ELP5: variants seen among roughly 807,000 people sequenced by gnomAD.
The protein encoded by ELP5 is elongator acetyltransferase complex subunit 5, also known as elongator complex protein 5.
A neutral mutation model predicts 33.4 loss-of-function variants in ELP5; 34 were observed. That is an observed-to-expected ratio of 1.02 (90% CI 0.78 to 1.36). ELP5 has a LOEUF of 1.36. Among genes scored for constraint, ELP5 ranks in the 40% most tolerant of loss-of-function variants. The pLI is 0.00. For synonymous variants in ELP5, 161 were observed against 146.4 expected, an observed-to-expected ratio of 1.10 and a Z score of -0.72; for missense variants, 373 against 371.7, an observed-to-expected ratio of 1.00 and a Z score of -0.03.
intron 7 of ELP5, 129 bp downstream of exon 7, chr17:7,259,055 C>A: frequency 6.7e-7 from 1 of 1,490,130 alleles, no homozygotes. Flanking sequence ...AGAGACAAGT[C>A]CAAGTTCTTG....
chr17:7,254,517 G>A (rs1175668986), intron 3 of ELP5, 66 bp from the exon 4 acceptor site: 4 of 1,178,052 alleles, frequency 3.4e-6, no homozygotes, highest in Admixed American at 4.5e-5. Context: ...AAGATCAGAG[G>A]ATGAACTTTG....
intron 7 of ELP5, chr17:7,259,133 T>G (rs1278808824): frequency 7.0e-7 from 1 of 1,422,810 alleles, no homozygotes; most frequent in African/African-American, 1.4e-5. Flanking sequence ...TACCCTTGGG[T>G]CACAGCTCCA....
At chr17:7,254,408 GA>G (rs1353110094) in intron 3 of ELP5, among the ~76,000 whole-genome samples, 174 bp from the exon 4 acceptor site, 5 of 152,142 alleles carry the variant, frequency 3.3e-5, no homozygotes, top group Non-Finnish European at 7.4e-5. Context: ...CAGGCTGTCA[GA>G]CACCAAAGTC....
At position 7,252,369 on chromosome 17, in the gene ELP5, C is replaced by T. The variant is rs190334504; in HGVS notation, c.-182C>T. 245 of 879,564 alleles carry T rather than the reference C, an allele frequency of 2.8e-4. No individual in the cohort carries two copies. The East Asian group carries it at 5.6e-3, about 20-fold the overall frequency. The allele number at this position is 879,564 out of a possible 1,614,324, so 54.5% of individuals were successfully genotyped here. On this transcript the variant is annotated 5_prime_UTR_variant, in exon 1 of 8. Coordinates refer to ENST00000396628, the MANE Select transcript of ELP5 (RefSeq NM_203414.3). ...CTGTGCGCCAGGGCTCGGGGAGGGGCGCCCTCCGCGTGAGCGCCCCCCTGG... is the reference window on the plus strand; with the variant it reads ...CTGTGCGCCAGGGCTCGGGGAGGGGTGCCCTCCGCGTGAGCGCCCCCCTGG...
chr17:7,253,085 G>A (rs918896392), intron 3 of ELP5, 87 bp downstream of exon 3: 5 of 1,248,806 alleles, frequency 4.0e-6, no homozygotes, highest in Middle Eastern at 1.9e-4. Flanking sequence ...AACCTGGTAT[G>A]TAGTAGCAGT....
At position 7,254,582 on chromosome 17, in the gene ELP5, G is replaced by C; in HGVS notation, c.189-1G>C. 6.2e-7 allele frequency: 1 copy of C among 1,605,682 alleles called. No individual in the cohort carries two copies. The highest frequency in any genetic ancestry group is 8.5e-7 in the Non-Finnish European group (1 of 1,173,566). On this transcript the variant is annotated splice_acceptor_variant, in intron 3 of 7. Coordinates refer to ENST00000396628, the MANE Select transcript of ELP5 (RefSeq NM_203414.3). LOFTEE classifies it high-confidence loss of function. ...TATTGTGTCTTATTTTCCCTTTGCA[G>C]GCTGGTTTACCATGACTTCTTCAGA...
Position 7,252,807 on chromosome 17 carries a change from G to T in ELP5, c.84G>T (p.Ala28=), listed in dbSNP as rs750679920. ...VEWEGRSLLK[A]LVKKSALCGE... is the part of the protein sequence containing the mutation. ...GGGAGGGGCGCAGTCTCTTGAAGGC[G>T]CTTGTCAAGAAATCTGCACTGTGGT... The change falls in exon 2 of 8, where the codon GCG becomes GCT. Residue 28 remains alanine, a synonymous_variant. Coordinates refer to ENST00000396628, the MANE Select transcript of ELP5 (RefSeq NM_203414.3). The T allele has an allele frequency of 1.2e-6, 2 of 1,614,114 alleles. No individual in the cohort carries two copies. Among genetic ancestry groups the T allele is most frequent in the Non-Finnish European group, 1.7e-6 (2 of 1,180,042 alleles).
intron 4 of ELP5, among the ~76,000 whole-genome samples, chr17:7,256,130 A>G (rs1409030853): frequency 6.6e-6 from 1 of 152,084 alleles, no homozygotes; most frequent in Non-Finnish European, 1.5e-5. Flanking sequence ...AGACAGGTAG[A>G]TCACGAGGTC....
At chr17:7,259,476 C>T in intron 7 of ELP5, 95 bp from the exon 8 acceptor site, 1 of 1,572,960 alleles carries the variant, frequency 6.4e-7, no homozygotes, top group Non-Finnish European at 8.6e-7. Flanking sequence ...GGAGGCCTAA[C>T]AGGTTGCCTG....
intron 1 of ELP5, 44 bp downstream of exon 1, chr17:7,252,640 G>A: frequency 6.2e-7 from 1 of 1,604,680 alleles, no homozygotes; most frequent in Non-Finnish European, 8.5e-7. Flanking sequence ...GTGCGGTTCG[G>A]GCCTGGCTGA....
In ELP5 at chr17:7,252,344, C is replaced by A. The variant is rs988202891; in HGVS notation, c.-207C>A. 55 of 710,672 alleles carry A rather than the reference C, an allele frequency of 7.7e-5. No individual in the cohort carries two copies. The South Asian group carries it at 8.6e-4, about 11-fold the overall frequency. 44.0% of individuals were successfully genotyped at this position (710,672 alleles called of 1,614,324 possible). On this transcript the variant is annotated 5_prime_UTR_variant, in exon 1 of 8. In the 5' UTR this introduces an upstream ATG that the reference lacks. Transcript: ENST00000396628. Reference sequence around the variant, plus strand: ...GTAGACGGGGTCGTTGTCCGTACGACTGTGCGCCAGGGCTCGGGGAGGGGC... The same window carrying A: ...GTAGACGGGGTCGTTGTCCGTACGAATGTGCGCCAGGGCTCGGGGAGGGGC...
chr17:7,251,820 A>AGGAGG (rs1243850303), upstream of ELP5: 1 of 32,320 alleles, frequency 3.1e-5, no homozygotes, highest in Non-Finnish European at 1.0e-4. Context: ...AGGAGCAGGG[A>AGGAGG]AGGAGGGGGA....
rs780307888 is a variant in ELP5, at chr17:7,254,811, C to G, written c.409+8C>G. 33 of 1,609,608 alleles carry G rather than the reference C, an allele frequency of 2.1e-5. 2 individuals are homozygous for G. In the South Asian group the frequency reaches 3.5e-4, roughly 17 times the overall value. On this transcript the variant is annotated splice_region_variant and intron_variant, in intron 4 of 7. Transcript: ENST00000396628. ...ATCAGGACTCTTGTCCTGGTGAGAC[C>G]CCTCCTTCATTGTTTCCCCTCATAC...
rs1310581589 is a variant in ELP5 at position 7,252,973 on chromosome 17, G to A, written c.163G>A (p.Gly55Ser). The change falls in exon 3 of 8, where the codon GGT becomes AGT. Residue 55 changes from glycine to serine, a missense_variant. Coordinates refer to ENST00000396628, the MANE Select transcript of ELP5 (RefSeq NM_203414.3). Reference sequence around the variant, plus strand: ...AGTGAGCGAGGAAGAGTTTCGTGAAGGTTTTGACTCTGATATCAACAATCG... The same window carrying A: ...AGTGAGCGAGGAAGAGTTTCGTGAAAGTTTTGACTCTGATATCAACAATCG... ...CEVSEEEFREGFDSDINNRLV... is the reference protein window; with the variant it reads ...CEVSEEEFRESFDSDINNRLV... 6.2e-6 allele frequency: 10 copies of A among 1,614,056 alleles called. No homozygotes were observed. The South Asian group carries it at 8.8e-5, about 14-fold the overall frequency.
At position 7,253,137 on chromosome 17, in the gene ELP5, G is replaced by C. The variant is rs915097905; in HGVS notation, c.188+139G>C. The C allele has an allele frequency of 1.1e-5, 9 of 795,212 alleles. No homozygotes were observed. In the Admixed American group the frequency reaches 2.0e-4, roughly 18 times the overall value. The allele number at this position is 795,212 out of a possible 1,614,324, so 49.3% of individuals were successfully genotyped here. ...GAAGAATTGGATATGGATCTTTCAGGAGGCAAGAATTAATAAGAGGAGTGA... is the reference window on the plus strand; with the variant it reads ...GAAGAATTGGATATGGATCTTTCAGCAGGCAAGAATTAATAAGAGGAGTGA... On this transcript the variant is annotated intron_variant, in intron 3 of 7. Coordinates refer to ENST00000396628, the MANE Select transcript of ELP5 (RefSeq NM_203414.3).
chr17:7,252,627 G>A, intron 1 of ELP5, 31 bp downstream of exon 1: 1 of 1,607,074 alleles, frequency 6.2e-7, no homozygotes, highest in Non-Finnish European at 8.5e-7. Flanking sequence ...GGCGGGGCGG[G>A]GGGTGCGGTT....
At position 7,254,680 on chromosome 17, in the gene ELP5, A is replaced by G. The variant is rs751263101; in HGVS notation, c.286A>G (p.Lys96Glu). The change falls in exon 4 of 8, where the codon AAG (lysine) becomes GAG (glutamate). Residue 96 changes from lysine to glutamate, a missense_variant. Physicochemically the swap from Lys to Glu is moderately conservative, Grantham distance 56. Coordinates refer to ENST00000396628, the MANE Select transcript of ELP5 (RefSeq NM_203414.3). Reference protein sequence around the residue: ...GPLGALRAMCKRTDPVPVTIA... With the variant: ...GPLGALRAMCERTDPVPVTIA... ...GCTGGGAGCCTTGAGAGCCATGTGC[A>G]AGAGGACAGATCCTGTTCCTGTCAC... 8.1e-6 allele frequency: 13 copies of G among 1,614,064 alleles called. No individual in the cohort carries two copies. The highest frequency in any genetic ancestry group is 3.3e-5 in the South Asian group (3 of 91,082).
intron 7 of ELP5, chr17:7,259,326 A>G (rs2072157591): frequency 7.2e-7 from 1 of 1,397,918 alleles, no homozygotes; most frequent in African/African-American, 1.4e-5. Flanking sequence ...ACGCAAGACT[A>G]CAAGATCCTT....
At chr17:7,255,848 A>T (rs1259683286) in intron 4 of ELP5, among the ~76,000 whole-genome samples, 1 of 149,702 alleles carries the variant, frequency 6.7e-6, no homozygotes, top group Admixed American at 6.7e-5. Context: ...GATCACCTGG[A>T]GTTGGAGACC....
Sources: allele counts gnomAD v4.1 joint callset (sites outside exome capture counted in the v4.1 genomes callset), GRCh38; gene constraint gnomAD v4.1.1; transcripts MANE v1.5; gene names NCBI Gene and HGNC (gene_info 2026-07-23, HGNC 2026-07-21).